EXTL3: variants seen among roughly 807,000 people sequenced by gnomAD.
EXTL3 encodes the protein exostosin like glycosyltransferase 3, also known as exostosin-like 3.
EXTL3 carries 27 observed loss-of-function variants against 69.3 expected under a neutral mutation model. That is an observed-to-expected ratio of 0.39 (90% CI 0.29 to 0.54). The LOEUF (loss-of-function observed/expected upper bound fraction) is 0.54. Among genes scored for constraint, EXTL3 ranks in the 20% least tolerant of loss-of-function variants. The probability of loss-of-function intolerance (pLI) is 0.69; values close to 1 mark genes in which losing one functional copy is unlikely to be tolerated. For missense variants in EXTL3, 1,003 were observed against 1,231.8 expected, an observed-to-expected ratio of 0.81 and a Z score of 2.78; for synonymous variants, 511 against 499.4, an observed-to-expected ratio of 1.02 and a Z score of -0.31.
Position 28,732,762 on chromosome 8 carries a change from T to G in EXTL3, c.2276+1412T>G, listed in dbSNP as rs138040274. Reference sequence around the variant, plus strand: ...ATTTTGAGATGGAGTCTCACTCTGTTGCGCAGGCTGGAGTGCAGTGGCTTG... The same window carrying G: ...ATTTTGAGATGGAGTCTCACTCTGTGGCGCAGGCTGGAGTGCAGTGGCTTG... On this transcript the variant is annotated intron_variant, in intron 4 of 6. Transcript: ENST00000220562. 3.3e-4 allele frequency among the ~76,000 whole-genome samples: 51 copies of G among 152,296 alleles called. No homozygotes were observed. In the East Asian group the frequency reaches 9.5e-3, roughly 28 times the overall value.
chr8:28,742,001 TG>T (rs2130791218), intron 5 of EXTL3: 1 of 152,374 alleles, frequency 6.6e-6, no homozygotes, highest in East Asian at 1.9e-4. Flanking sequence ...AGTTAACATG[TG>T]CCCTGTCTTG....
chr8:28,673,631 A>G (rs538797663), intron 1 of EXTL3, among the ~76,000 whole-genome samples: 26 of 152,282 alleles, frequency 1.7e-4, no homozygotes, highest in African/African-American at 6.3e-4. Context: ...GTGTGAGTCA[A>G]TTCCTTACAA....
chr8:28,710,431 A>G (rs1402675986), intron 1 of EXTL3: 1 of 455,736 alleles, frequency 2.2e-6, no homozygotes. Context: ...GAAGTGTAAA[A>G]TGCAGACTGA....
Position 28,755,187 on chromosome 8 carries a change from C to T in EXTL3, c.*4321C>T, listed in dbSNP as rs1471262063. On this transcript the variant is annotated 3_prime_UTR_variant, in exon 7 of 7. Transcript: ENST00000220562. The stretch of plus-strand genomic sequence containing the variant: ...TGGAGTAAAATAGTGTCCACTTCTT[C>T]ATGGCTCTTTCTGCCTTCCGCTAGG... The T allele has an allele frequency of 6.6e-6, 1 of 152,254 alleles. No individual in the cohort carries two copies. The highest frequency in any genetic ancestry group is 2.4e-5 in the African/African-American group (1 of 41,456). 9.4% of individuals were successfully genotyped at this position (152,254 alleles called of 1,614,324 possible).
intron 1 of EXTL3, among the ~76,000 whole-genome samples, chr8:28,640,676 C>T (rs1806728979): frequency 6.6e-6 from 1 of 152,212 alleles, no homozygotes; most frequent in Non-Finnish European, 1.5e-5. Context: ...GATCATAGCT[C>T]ACTGCAGCTT....
At chr8:28,615,959 G>T (rs1413696808) in intron 2 of EXTL3, among the ~76,000 whole-genome samples, 1 of 152,042 alleles carries the variant, frequency 6.6e-6, no homozygotes, top group Non-Finnish European at 1.5e-5. Context: ...AGTAGGCCAG[G>T]CACAGTGGCT....
chr8:28,674,450 G>A (rs1425662177), intron 1 of EXTL3, among the ~76,000 whole-genome samples: 1 of 152,170 alleles, frequency 6.6e-6, no homozygotes, highest in Non-Finnish European at 1.5e-5. Flanking sequence ...TCATGCTGGT[G>A]GAAGGAAAGG....
intron 1 of EXTL3, among the ~76,000 whole-genome samples, chr8:28,680,157 C>G (rs1807458190): frequency 6.6e-6 from 1 of 151,718 alleles, no homozygotes; most frequent in African/African-American, 2.4e-5. Context: ...TTTGGGAGGC[C>G]AAGGCGGGCA....
chr8:28,647,912 T>TG (rs1237474747), intron 1 of EXTL3, among the ~76,000 whole-genome samples: 1 of 44,744 alleles, frequency 2.2e-5, no homozygotes, highest in Non-Finnish European at 4.1e-5. Context: ...GGTGCAGCCT[T>TG]GGGGGGCACT....
At chr8:28,655,680 G>C (rs745749268) in intron 1 of EXTL3, among the ~76,000 whole-genome samples, 10 of 151,986 alleles carry the variant, frequency 6.6e-5, no homozygotes, top group Non-Finnish European at 7.4e-5. Flanking sequence ...TTTAGTAGAG[G>C]ACAAGGTTTT....
intron 1 of EXTL3, among the ~76,000 whole-genome samples, chr8:28,653,664 A>T (rs1269588864): frequency 6.6e-6 from 1 of 152,188 alleles, no homozygotes; most frequent in African/African-American, 2.4e-5. Flanking sequence ...TGCTGAAATC[A>T]ATTGACTAGA....
chr8:28,712,369 C>T (rs1029744384), intron 1 of EXTL3, among the ~76,000 whole-genome samples: 5 of 151,968 alleles, frequency 3.3e-5, no homozygotes, highest in African/African-American at 7.3e-5. Flanking sequence ...AGAGGGGAGG[C>T]GTGGCCTGAC....
intron 2 of EXTL3, among the ~76,000 whole-genome samples, chr8:28,610,311 G>A (rs1261464289): frequency 6.6e-6 from 1 of 151,976 alleles, no homozygotes; most frequent in Admixed American, 6.6e-5. Flanking sequence ...TGAAAATATA[G>A]ATATGGGGAA....
intron 1 of EXTL3, among the ~76,000 whole-genome samples, chr8:28,655,050 T>C (rs941796648): frequency 1.2e-4 from 18 of 152,222 alleles, no homozygotes; most frequent in African/African-American, 4.3e-4. Flanking sequence ...TTATTGACTT[T>C]TGTAAGGTTA....
At chr8:28,636,734 C>T (rs527509946) in intron 1 of EXTL3, among the ~76,000 whole-genome samples, 1 of 152,132 alleles carries the variant, frequency 6.6e-6, no homozygotes, top group African/African-American at 2.4e-5. Context: ...AGCAGGTTGG[C>T]GCGTGGTGGC....
At chr8:28,675,801 C>A (rs1267527324) in intron 1 of EXTL3, among the ~76,000 whole-genome samples, 2 of 152,118 alleles carry the variant, frequency 1.3e-5, no homozygotes, top group African/African-American at 2.4e-5. Flanking sequence ...GCGGTCAGAT[C>A]ACTTGAGGTC....
intron 1 of EXTL3, among the ~76,000 whole-genome samples, chr8:28,630,163 C>T (rs1372127474): frequency 1.3e-5 from 2 of 152,066 alleles, no homozygotes; most frequent in African/African-American, 4.8e-5. Flanking sequence ...TACATGGGGG[C>T]AGGTTTTTCC....
At chr8:28,634,932 A>C (rs1337623646) in intron 1 of EXTL3, among the ~76,000 whole-genome samples, 1 of 151,686 alleles carries the variant, frequency 6.6e-6, no homozygotes, top group Non-Finnish European at 1.5e-5. Flanking sequence ...CTCCTATCCT[A>C]CCACCTGTCA....
chr8:28,750,728 C>T lies in EXTL3; in HGVS notation c.2622C>T (p.His874=), dbSNP rs375394103. The T allele has an allele frequency of 7.4e-6, 12 of 1,614,084 alleles. No individual in the cohort carries two copies. Among genetic ancestry groups the T allele is most frequent in the African/African-American group, 1.3e-5 (1 of 74,926 alleles). ...TGTCTCATGATGACTCCCACTTCCA[C>T]GAGCGGCACAAGTGCATCAACTTCT... ...QALSHDDSHF[H]ERHKCINFFV... The change falls in exon 7 of 7, where the codon CAC becomes CAT. Residue 874 remains histidine (H), a synonymous_variant. Coordinates refer to ENST00000220562, the MANE Select transcript of EXTL3 (RefSeq NM_001440.4). This position sits in a 1 kb window ranked among gnomAD's most constrained non-coding sequence, Gnocchi z 5.2.
Sources: allele counts gnomAD v4.1 joint callset (sites outside exome capture counted in the v4.1 genomes callset), GRCh38; gene constraint gnomAD v4.1.1; non-coding constraint Gnocchi (gnomAD v3.1); transcripts MANE v1.5; gene names NCBI Gene and HGNC (gene_info 2026-07-23, HGNC 2026-07-21).